SRPRA: variants seen among roughly 807,000 people sequenced by gnomAD.
The protein encoded by SRPRA is SRP receptor subunit alpha.
SRPRA carries 30 observed loss-of-function variants against 61.1 expected under a neutral mutation model. That is an observed-to-expected ratio of 0.49 (90% CI 0.37 to 0.67). The LOEUF (loss-of-function observed/expected upper bound fraction) is 0.67. SRPRA is among the 30% of genes least tolerant of loss of function. The pLI, the probability that SRPRA is intolerant of heterozygous loss-of-function variation, is 0.00. For missense variants in SRPRA, 759 were observed against 828.4 expected (o/e 0.92, Z 1.03); for synonymous variants, 324 against 299.7 (o/e 1.08, Z -0.84).
In SRPRA at chr11:126,267,315, T is replaced by C; in HGVS notation, c.386A>G (p.Lys129Arg). Residue 129 changes from lysine (K) to arginine (R), a missense_variant, in exon 4 of 14, where the codon AAG becomes AGG. Lys to Arg is a conservative substitution (Grantham distance 26). Around this residue, in one of 2 missense-constraint regions of SRPRA, gnomAD observed 475 missense variants for 462.5 expected, o/e 1.03. Coordinates refer to ENST00000332118, the MANE Select transcript of SRPRA (RefSeq NM_003139.4). This position sits in a 1 kb window ranked among gnomAD's most constrained non-coding sequence, Gnocchi z 4.2. ...CTTCATGGTAGTGGGAGCACGGATC[T>C]TACTGCTCTCCTCTGCTTCACTAAA... is the stretch of plus-strand genomic sequence containing the variant. The part of the protein sequence containing the change: ...RLLREAEESS[K>R]IRAPTTMKKF... The C allele has an allele frequency of 6.2e-7, 1 of 1,614,154 alleles. No individual in the cohort carries two copies. Among genetic ancestry groups the C allele is most frequent in the Non-Finnish European group, 8.5e-7 (1 of 1,180,032 alleles).
the SRPRA span, among the ~76,000 whole-genome samples, chr11:126,236,176 G>T: frequency 2.1e-4 from 32 of 152,192 alleles, no homozygotes; most frequent in East Asian, 4.8e-3. Flanking sequence ...CTCCTGTATC[G>T]ATTCTCTGTT....
chr11:126,247,822 C>T, the SRPRA span, among the ~76,000 whole-genome samples: 1 of 148,862 alleles, frequency 6.7e-6, no homozygotes, highest in Admixed American at 6.8e-5. Flanking sequence ...CACGCCACTG[C>T]ACTCCAGCCT....
Position 126,264,409 on chromosome 11 carries a change from T to G in SRPRA, c.1656A>C (p.Glu552Asp), listed in dbSNP as rs1316912860. Reference sequence around the variant, plus strand: ...CCACGGCTTCATTGCCTACTAAGGCTTCTCCTACAAACAGCACCAAATCAG... The same window carrying G: ...CCACGGCTTCATTGCCTACTAAGGCGTCTCCTACAAACAGCACCAAATCAG... ...NTPDLVLFVG[E>D]ALVGNEAVDQ... Residue 552 changes from glutamate to aspartate, a missense_variant, in exon 12 of 14, where the codon GAA becomes GAC. Glu to Asp is a conservative substitution (Grantham distance 45, BLOSUM62 2). Around this residue, in one of 2 missense-constraint regions of SRPRA, gnomAD observed 284 missense variants for 365.9 expected, o/e 0.78. Coordinates refer to ENST00000332118, the MANE Select transcript of SRPRA (RefSeq NM_003139.4). This position sits in a 1 kb window ranked among gnomAD's most constrained non-coding sequence, Gnocchi z 5.0. The G allele has an allele frequency of 6.2e-7, 1 of 1,614,232 alleles. No homozygotes were observed. Among genetic ancestry groups the G allele is most frequent in the Non-Finnish European group, 8.5e-7 (1 of 1,180,050 alleles).
At chr11:126,261,508 T>C (rs1287925355), downstream of SRPRA, 1 of 1,587,066 alleles carries the variant, frequency 6.3e-7, no homozygotes, top group South Asian at 1.1e-5. Flanking sequence ...TATTCTACTA[T>C]TTATCACTCT....
chr11:126,249,731 C>CAAAAA, the SRPRA span, among the ~76,000 whole-genome samples: 104 of 78,930 alleles, frequency 1.3e-3, 1 homozygote, highest in Non-Finnish European at 2.0e-3. Flanking sequence ...GACTCCGTCT[C>CAAAAA]AAAAAAAAAA....
the SRPRA span, among the ~76,000 whole-genome samples, chr11:126,241,554 A>AT: frequency 2.6e-4 from 40 of 151,720 alleles, 2 homozygotes; most frequent in African/African-American, 9.2e-4. Flanking sequence ...TTATTTATTT[A>AT]TTTATTTATT....
At chr11:126,261,409 G>A, downstream of SRPRA, 2 of 1,612,216 alleles carry the variant, frequency 1.2e-6, no homozygotes, top group Non-Finnish European at 1.7e-6. Context: ...GTCTGATGCT[G>A]ATGTCCTCTA....
the SRPRA span, chr11:126,256,844 G>T: frequency 9.9e-6 from 16 of 1,609,694 alleles, no homozygotes; most frequent in Admixed American, 1.7e-5. This position sits in a 1 kb window ranked among gnomAD's most constrained non-coding sequence, Gnocchi z 6.6. Context: ...TCCACAAGGG[G>T]TACATCAGGT....
At chr11:126,259,199 T>C (rs550028335), downstream of SRPRA, among the ~76,000 whole-genome samples, 10 of 152,336 alleles carry the variant, frequency 6.6e-5, no homozygotes, top group South Asian at 4.1e-4. Flanking sequence ...TCTGTAGATA[T>C]AGACTAATGA....
downstream of SRPRA, chr11:126,260,624 T>G (rs927572178): frequency 6.6e-6 from 1 of 152,222 alleles, no homozygotes; most frequent in African/African-American, 2.4e-5. Context: ...GTAATTTCCT[T>G]GATGAGTTCT....
In SRPRA at chr11:126,267,850, CT is replaced by C. The variant is rs1950848160; in HGVS notation, c.202-139del. ...CTGTCCTGAGAGGCAGCCAAGCTCC[CT>C]GCCTGGGCCCAGTAGCTGCTGTTTT... On this transcript the variant is annotated intron_variant, in intron 2 of 13. Transcript: ENST00000332118. This position sits in a 1 kb window ranked among gnomAD's most constrained non-coding sequence, Gnocchi z 4.2. 1 of 1,401,578 alleles carries C rather than the reference CT, an allele frequency of 7.1e-7. No individual in the cohort carries two copies. The highest frequency in any genetic ancestry group is 1.4e-5 in the African/African-American group (1 of 70,358). The allele number at this position is 1,401,578 out of a possible 1,614,324, so 86.8% of individuals were successfully genotyped here. A position where few individuals can be genotyped will look rare whatever the true frequency, so the allele number is the denominator to read the frequency against.
Position 126,267,684 on chromosome 11 carries a change from G to C in SRPRA, c.230C>G (p.Thr77Arg). 2 of 1,614,092 alleles carry C rather than the reference G, an allele frequency of 1.2e-6. No homozygotes were observed. The highest frequency in any genetic ancestry group is 1.7e-6 in the Non-Finnish European group (2 of 1,180,036). ...VVGFQKILTLTYVDKLIDDVH... is the reference protein window; with the variant it reads ...VVGFQKILTLRYVDKLIDDVH... ...GTCATCTATCAATTTGTCTACATAT[G>C]TCAGTGTCAGGATCTTCTGAAAACC... The change falls in exon 3 of 14, where the codon ACA becomes AGA. Residue 77 changes from threonine to arginine, a missense_variant. By Grantham distance (71) the Thr-to-Arg change is moderately conservative. Around this residue, in one of 2 missense-constraint regions of SRPRA, gnomAD observed 475 missense variants for 462.5 expected, o/e 1.03. Transcript: ENST00000332118. This position sits in a 1 kb window ranked among gnomAD's most constrained non-coding sequence, Gnocchi z 4.2.
downstream of SRPRA, chr11:126,262,694 A>G (rs2135232281): frequency 6.5e-6 from 1 of 152,808 alleles, no homozygotes; most frequent in East Asian, 1.9e-4. Flanking sequence ...AAGAAACTCT[A>G]ACTTGCATCA....
At chr11:126,250,677 T>C in the SRPRA span, 12 of 1,614,054 alleles carry the variant, frequency 7.4e-6, no homozygotes, top group Non-Finnish European at 1.0e-5. This position sits in a 1 kb window ranked among gnomAD's most constrained non-coding sequence, Gnocchi z 5.1. Flanking sequence ...CTTGGAACTG[T>C]ATGCAGCAGA....
chr11:126,247,933 A>G, the SRPRA span, among the ~76,000 whole-genome samples: 2 of 147,110 alleles, frequency 1.4e-5, no homozygotes, highest in Admixed American at 6.9e-5. Flanking sequence ...ATATCTATAT[A>G]TATATTTTTG....
At position 126,264,803 on chromosome 11, in the gene SRPRA, T is replaced by C. The variant is rs638766; in HGVS notation, c.1525+156A>G. The C allele has an allele frequency of 0.77, 645,942 of 835,862 alleles. 252,764 individuals carry two copies. The highest frequency in any genetic ancestry group is 1 in the East Asian group (37,444 of 37,478). The allele number at this position is 835,862 out of a possible 1,614,324, so 51.8% of individuals were successfully genotyped here. On this transcript the variant is annotated intron_variant, in intron 11 of 13. Coordinates refer to ENST00000332118, the MANE Select transcript of SRPRA (RefSeq NM_003139.4). The surrounding 1 kb of genome is among the most constrained non-coding windows in gnomAD (Gnocchi z 5.0). ...GCTTTGCCTGCAACTACATCTGTTA[T>C]CCAAAAGCAGAGCATGGCAAGTAAC... is the stretch of plus-strand genomic sequence containing the variant.
At chr11:126,242,847 C>T in the SRPRA span, among the ~76,000 whole-genome samples, 1 of 152,152 alleles carries the variant, frequency 6.6e-6, no homozygotes, top group Non-Finnish European at 1.5e-5. Context: ...ATTCTATGAA[C>T]CAGCAACTGC....
chr11:126,254,781 A>G, the SRPRA span, among the ~76,000 whole-genome samples: 1 of 152,216 alleles, frequency 6.6e-6, no homozygotes, highest in Non-Finnish European at 1.5e-5. Context: ...AGCTGTGTCT[A>G]GAGCCACTGC....
rs1950764686 is a variant in SRPRA at position 126,264,421 on chromosome 11, C to T, written c.1644G>A (p.Leu548=). The stretch of plus-strand genomic sequence containing the variant: ...TGCCTACTAAGGCTTCTCCTACAAA[C>T]AGCACCAAATCAGGTGTATTGACAG... ...LITVNTPDLV[L]FVGEALVGNE... The change falls in exon 12 of 14, where the codon CTG becomes CTA. Residue 548 remains leucine, a synonymous_variant. Transcript: ENST00000332118. The surrounding 1 kb of genome is among the most constrained non-coding windows in gnomAD (Gnocchi z 5.0). 6.2e-7 allele frequency: 1 copy of T among 1,614,250 alleles called. No homozygotes were observed. Among genetic ancestry groups the T allele is most frequent in the Non-Finnish European group, 8.5e-7 (1 of 1,180,046 alleles).
Sources: allele counts gnomAD v4.1 joint callset (sites outside exome capture counted in the v4.1 genomes callset), GRCh38; gene constraint gnomAD v4.1.1; regional missense constraint gnomAD v4.1.1; non-coding constraint Gnocchi (gnomAD v3.1); transcripts MANE v1.5; gene names NCBI Gene and HGNC (gene_info 2026-07-23, HGNC 2026-07-21).